Variants in AIG1 observed in about 807,000 individuals in gnomAD.
The protein encoded by AIG1 is androgen induced 1.
Under a neutral mutation model 31.4 loss-of-function variants are expected in AIG1, and 23 were observed. The ratio of observed to expected loss-of-function variants is 0.73; its 90% CI spans 0.53 to 1.04. The LOEUF (loss-of-function observed/expected upper bound fraction) is 1.04, where lower values mean the gene tolerates loss of function less well. AIG1 is among the 50% of genes least tolerant of loss of function. AIG1 has a pLI of 0.00. For synonymous variants in AIG1, 100 were observed against 110.5 expected, an observed-to-expected ratio of 0.90 and a Z score of 0.60; for missense variants, 274 against 295.0, an observed-to-expected ratio of 0.93 and a Z score of 0.52.
At chr6:143,332,922 G>C (rs1210271579) in intron 4 of AIG1, among the ~76,000 whole-genome samples, 1 of 152,166 alleles carries the variant, frequency 6.6e-6, no homozygotes, top group Non-Finnish European at 1.5e-5. Flanking sequence ...CTGGAACAGA[G>C]AAAGGACATT....
intron 3 of AIG1, among the ~76,000 whole-genome samples, chr6:143,221,598 T>C (rs980745858): frequency 2.6e-5 from 4 of 152,230 alleles, no homozygotes; most frequent in Non-Finnish European, 5.9e-5. Flanking sequence ...ATCTTTTACT[T>C]GGATTATTGC....
intron 1 of AIG1, among the ~76,000 whole-genome samples, chr6:143,134,752 A>G (rs952317235): frequency 6.6e-6 from 1 of 152,064 alleles, no homozygotes; most frequent in South Asian, 2.1e-4. Flanking sequence ...CCATACTTTG[A>G]GTACTCATGA....
At chr6:143,133,258 G>GTGGA (rs1783424232) in intron 1 of AIG1, among the ~76,000 whole-genome samples, 1 of 152,010 alleles carries the variant, frequency 6.6e-6, no homozygotes, top group Non-Finnish European at 1.5e-5. Context: ...TATTGTTTGG[G>GTGGA]TGGATCTATG....
chr6:143,304,539 T>G (rs1323802930), intron 4 of AIG1, among the ~76,000 whole-genome samples: 6 of 152,172 alleles, frequency 3.9e-5, no homozygotes, highest in African/African-American at 1.4e-4. Flanking sequence ...TATTGATTTG[T>G]GTATATTGAA....
chr6:143,254,461 A>G (rs1795230284), intron 3 of AIG1, among the ~76,000 whole-genome samples: 1 of 152,198 alleles, frequency 6.6e-6, no homozygotes, highest in Non-Finnish European at 1.5e-5. Flanking sequence ...AAAGTCCTAG[A>G]CATCCTGGGG....
intron 3 of AIG1, among the ~76,000 whole-genome samples, chr6:143,197,197 G>A (rs1329221734): frequency 6.6e-6 from 1 of 151,162 alleles, no homozygotes; most frequent in East Asian, 1.9e-4. Flanking sequence ...TTTTCCTGTA[G>A]GACAGTAATC....
At chr6:143,240,675 C>T (rs9484713) in intron 3 of AIG1, among the ~76,000 whole-genome samples, 7,884 of 152,036 alleles carry the variant, frequency 0.052, 663 homozygotes, top group African/African-American at 0.18. Flanking sequence ...AAAAAATTTC[C>T]AATCTGTCAT....
At chr6:143,306,994 G>A (rs904390506) in intron 4 of AIG1, among the ~76,000 whole-genome samples, 105 of 151,868 alleles carry the variant, frequency 6.9e-4, no homozygotes, top group Non-Finnish European at 1.3e-3. Context: ...TGATCACATC[G>A]GCTCCTGAGG....
chr6:143,281,095 CATT>C (rs1398083206), intron 3 of AIG1, among the ~76,000 whole-genome samples: 1 of 152,128 alleles, frequency 6.6e-6, no homozygotes, highest in Non-Finnish European at 1.5e-5. Flanking sequence ...TTGATTCAAA[CATT>C]ATTCAACTGT....
intron 5 of AIG1, among the ~76,000 whole-genome samples, chr6:143,337,628 G>T (rs1039713706): frequency 6.6e-6 from 1 of 152,210 alleles, no homozygotes; most frequent in Non-Finnish European, 1.5e-5. Flanking sequence ...AAAACCAAAA[G>T]GTTGGTGTGA....
At chr6:143,098,970 TG>T (rs1329855955) in intron 1 of AIG1, among the ~76,000 whole-genome samples, 1 of 152,226 alleles carries the variant, frequency 6.6e-6, no homozygotes, top group Non-Finnish European at 1.5e-5. Flanking sequence ...AATATTCTTT[TG>T]TTTGAGAAAT....
chr6:143,071,927 G>A lies in AIG1; in HGVS notation c.141+10861G>A, dbSNP rs190189189. Among the ~76,000 whole-genome samples the A allele has an allele frequency of 4.5e-4, 69 of 151,946 alleles. No homozygotes were observed. In the East Asian group the frequency reaches 0.011, roughly 23 times the overall value. ...GCCTCCCGAGTAGCTGGGACTATAGGCATGTGCCACCGTGCCCAGATTGTT... is the reference window on the plus strand; with the variant it reads ...GCCTCCCGAGTAGCTGGGACTATAGACATGTGCCACCGTGCCCAGATTGTT... On this transcript the variant is annotated intron_variant, in intron 1 of 5. Coordinates refer to ENST00000357847, the MANE Select transcript of AIG1 (RefSeq NM_016108.4).
intron 4 of AIG1, among the ~76,000 whole-genome samples, chr6:143,302,415 C>T (rs2128698816): frequency 6.6e-6 from 1 of 151,814 alleles, no homozygotes; most frequent in South Asian, 2.1e-4. Flanking sequence ...TGACATTCCC[C>T]TTCCTGTGTC....
At chr6:143,086,996 C>A (rs1778851831) in intron 1 of AIG1, among the ~76,000 whole-genome samples, 1 of 152,196 alleles carries the variant, frequency 6.6e-6, no homozygotes, top group Non-Finnish European at 1.5e-5. Context: ...CCAACGCTCC[C>A]AACCCAGAGG....
intron 4 of AIG1, among the ~76,000 whole-genome samples, chr6:143,308,114 A>T (rs1314195615): frequency 1.3e-5 from 2 of 152,122 alleles, no homozygotes; most frequent in African/African-American, 2.4e-5. Flanking sequence ...TCTGTCACCC[A>T]TTTCTTTGAC....
intron 3 of AIG1, among the ~76,000 whole-genome samples, chr6:143,270,801 G>T (rs966463472): frequency 2.0e-5 from 3 of 152,260 alleles, no homozygotes; most frequent in East Asian, 3.9e-4. Context: ...ATATGTGTGT[G>T]TGCACATTTG....
chr6:143,181,035 T>C (rs1788669458), intron 3 of AIG1, among the ~76,000 whole-genome samples: 1 of 152,234 alleles, frequency 6.6e-6, no homozygotes, highest in Non-Finnish European at 1.5e-5. Context: ...GCATGACTTA[T>C]GGTAAGTTTC....
chr6:143,179,060 A>T (rs1243806674), intron 3 of AIG1, among the ~76,000 whole-genome samples: 1 of 152,000 alleles, frequency 6.6e-6, no homozygotes, highest in Non-Finnish European at 1.5e-5. Context: ...AAGTGCCTTT[A>T]TTGGGGGCTT....
chr6:143,077,644 C>T (rs369830289), intron 1 of AIG1, among the ~76,000 whole-genome samples: 3 of 152,272 alleles, frequency 2.0e-5, no homozygotes, highest in East Asian at 3.9e-4. Flanking sequence ...TTTCAGCAGT[C>T]TGCATATGAT....
Sources: gnomAD v4.1 joint callset for allele counts (sites outside exome capture counted in the v4.1 genomes callset) on GRCh38, gnomAD v4.1.1 for gene constraint, MANE v1.5 for transcripts, NCBI Gene and HGNC (gene_info 2026-07-23, HGNC 2026-07-21) for gene names.